Variants in SH3YL1 observed in about 807,000 individuals in gnomAD.
SH3YL1 encodes SH3 and SYLF domain containing 1, also known as SH3 domain-containing YSC84-like protein 1.
A neutral mutation model predicts 45.8 loss-of-function variants in SH3YL1; 41 were observed. The ratio of observed to expected loss-of-function variants is 0.89; its 90% CI spans 0.70 to 1.16. The LOEUF (loss-of-function observed/expected upper bound fraction) is 1.16, where lower values mean the gene tolerates loss of function less well. Ranked by LOEUF, SH3YL1 falls within the 50% of genes most tolerant of loss-of-function variation. The pLI, the probability that SH3YL1 is intolerant of heterozygous loss-of-function variation, is 0.00. For synonymous variants in SH3YL1, 152 were observed against 151.4 expected (o/e 1.00, Z -0.03); for missense variants, 389 against 409.6 (o/e 0.95, Z 0.43).
At chr2:252,050 G>C (rs1477968685) in intron 2 of SH3YL1, among the ~76,000 whole-genome samples, 2 of 152,138 alleles carry the variant, frequency 1.3e-5, no homozygotes, top group Non-Finnish European at 2.9e-5. Context: ...ACAGATAGTG[G>C]TTTTCAAAGG....
rs151122195 is a variant in SH3YL1, at chr2:219,082, C to A, written c.839-81G>T. 1,695 of 1,163,630 alleles carry A rather than the reference C, an allele frequency of 1.5e-3. 16 individuals carry two copies. The African/African-American group carries it at 0.022, about 15-fold the overall frequency. 72.1% of individuals were successfully genotyped at this position (1,163,630 alleles called of 1,614,324 possible). A position where few individuals can be genotyped will look rare whatever the true frequency, so the allele number is the denominator to read the frequency against. ...ATCTGCTGGTAAGATAAAAATTAAC[C>A]ACTTAGGGCTTGGCATGCTGATGTC... On this transcript the variant is annotated intron_variant, in intron 9 of 9. Coordinates refer to ENST00000356150, the MANE Select transcript of SH3YL1 (RefSeq NM_015677.4).
chr2:253,679 TG>T (rs1669181005), intron 1 of SH3YL1, among the ~76,000 whole-genome samples: 1 of 152,238 alleles, frequency 6.6e-6, no homozygotes, highest in East Asian at 1.9e-4. Flanking sequence ...GAGCAGCCCA[TG>T]CCACTACTCC....
chr2:232,931 T>A, intron 6 of SH3YL1, 170 bp downstream of exon 6: 1 of 459,752 alleles, frequency 2.2e-6, no homozygotes, highest in South Asian at 1.0e-4. Context: ...GTCTTCTGCA[T>A]TTTCTACGAG....
At chr2:260,615 TGGAGA>T (rs1368596040) in intron 1 of SH3YL1, 1 of 152,186 alleles carries the variant, frequency 6.6e-6, no homozygotes, top group East Asian at 1.9e-4. Context: ...TGGCAGAAGG[TGGAGA>T]GAGCACCTGG....
At chr2:229,831 G>A in intron 8 of SH3YL1, 135 bp downstream of exon 8, 1 of 604,782 alleles carries the variant, frequency 1.7e-6, no homozygotes, top group Non-Finnish European at 2.9e-6. Context: ...AAGAGGCTGA[G>A]CACTTATTTT....
At chr2:229,534 C>T (rs1489358723) in intron 8 of SH3YL1, among the ~76,000 whole-genome samples, 1 of 151,708 alleles carries the variant, frequency 6.6e-6, no homozygotes, top group African/African-American at 2.4e-5. Flanking sequence ...TCGAGACCAT[C>T]CCGGCTAAAA....
chr2:238,404 C>T (rs1038065007), intron 4 of SH3YL1, among the ~76,000 whole-genome samples: 1 of 151,956 alleles, frequency 6.6e-6, no homozygotes. Flanking sequence ...TCCTTACATC[C>T]CATTCTTAGG....
At chr2:250,283 T>G (rs992006832) in intron 2 of SH3YL1, among the ~76,000 whole-genome samples, 3 of 152,174 alleles carry the variant, frequency 2.0e-5, no homozygotes, top group Non-Finnish European at 4.4e-5. Context: ...AATTAGAACT[T>G]TGATCTTAAA....
At chr2:261,639 C>A (rs1669595190) in intron 1 of SH3YL1, among the ~76,000 whole-genome samples, 1 of 152,138 alleles carries the variant, frequency 6.6e-6, no homozygotes, top group African/African-American at 2.4e-5. Context: ...GTTCTATAAA[C>A]TCAATGCTAG....
chr2:218,728 T>C lies in SH3YL1; in HGVS notation c.*83A>G. Reference sequence around the variant, plus strand: ...TAGAACAGAAGTTTTTTAAAATTTATATTAAACATTGCTTAACTAGTAAAT... The same window carrying C: ...TAGAACAGAAGTTTTTTAAAATTTACATTAAACATTGCTTAACTAGTAAAT... On this transcript the variant is annotated 3_prime_UTR_variant, in exon 10 of 10. Coordinates refer to ENST00000356150, the MANE Select transcript of SH3YL1 (RefSeq NM_015677.4). 3.4e-6 allele frequency: 4 copies of C among 1,190,138 alleles called. No individual in the cohort carries two copies. The highest frequency in any genetic ancestry group is 4.6e-6 in the Non-Finnish European group (4 of 870,442). The allele number at this position is 1,190,138 out of a possible 1,614,324, so 73.7% of individuals were successfully genotyped here. A position where few individuals can be genotyped will look rare whatever the true frequency, so the allele number is the denominator to read the frequency against.
intron 4 of SH3YL1, among the ~76,000 whole-genome samples, chr2:243,310 C>T (rs1300642350): frequency 6.6e-6 from 1 of 152,048 alleles, no homozygotes; most frequent in African/African-American, 2.4e-5. Flanking sequence ...TTTAAAAGGA[C>T]TGAAATTATA....
rs190099247 is a variant in SH3YL1 at position 242,879 on chromosome 2, T to C, written c.291+4659A>G. 5,687 of 1,472,482 alleles carry C rather than the reference T, an allele frequency of 3.9e-3. 14 individuals carry two copies. Among genetic ancestry groups the C allele is most frequent in the Non-Finnish European group, 4.7e-3 (5,269 of 1,111,280 alleles). 91.2% of individuals were successfully genotyped at this position (1,472,482 alleles called of 1,614,324 possible). A position where few individuals can be genotyped will look rare whatever the true frequency, so the allele number is the denominator to read the frequency against. Reference sequence around the variant, plus strand: ...GAAAGCTGGAGTGGCACTCTTTATATCAAACAACAAAAAATGTAATTAGGA... The same window carrying C: ...GAAAGCTGGAGTGGCACTCTTTATACCAAACAACAAAAAATGTAATTAGGA... On this transcript the variant is annotated intron_variant, in intron 4 of 9. Transcript: ENST00000356150.
chr2:228,942 T>C (rs1271413636), intron 8 of SH3YL1, among the ~76,000 whole-genome samples: 2 of 152,212 alleles, frequency 1.3e-5, no homozygotes, highest in Non-Finnish European at 2.9e-5. Flanking sequence ...GCAAAACTTA[T>C]ATGCCTTCTC....
intron 4 of SH3YL1, chr2:243,453 G>A (rs1668634428): frequency 6.8e-7 from 1 of 1,463,886 alleles, no homozygotes; most frequent in African/African-American, 1.4e-5. Flanking sequence ...GAAATCACAT[G>A]AGAAATTAGA....
intron 4 of SH3YL1, among the ~76,000 whole-genome samples, chr2:237,004 G>T (rs1197591044): frequency 6.6e-6 from 1 of 152,072 alleles, no homozygotes; most frequent in Non-Finnish European, 1.5e-5. Flanking sequence ...AATTTCTGAG[G>T]GTTATGGTGC....
chr2:219,643 A>G (rs1275376447), intron 9 of SH3YL1, among the ~76,000 whole-genome samples: 3 of 152,202 alleles, frequency 2.0e-5, no homozygotes, highest in Non-Finnish European at 4.4e-5. Context: ...AGGGGCCAAG[A>G]TAGTGTGACA....
intron 1 of SH3YL1, chr2:261,405 A>C (rs1669585839): frequency 6.6e-6 from 1 of 152,226 alleles, no homozygotes; most frequent in African/African-American, 2.4e-5. Flanking sequence ...ATAAATATTT[A>C]AGTTTTTTCT....
rs750626975 is a variant in SH3YL1 at position 262,419 on chromosome 2, C to T, written c.1+1565G>A. ...GAGGACAGCGAAAGCTTTCTCTGCT[C>T]CCTCGGGAGACAGGAAAGCCCTTTA... On this transcript the variant is annotated intron_variant, in intron 1 of 9. Coordinates refer to ENST00000356150, the MANE Select transcript of SH3YL1 (RefSeq NM_015677.4). The T allele has an allele frequency of 2.0e-4, 74 of 364,414 alleles. 1 individual carries two copies. The highest frequency in any genetic ancestry group is 3.5e-4 in the Non-Finnish European group (72 of 205,462). The allele number at this position is 364,414 out of a possible 1,614,324, so 22.6% of individuals were successfully genotyped here.
chr2:248,349 T>C (rs141238618), intron 3 of SH3YL1, among the ~76,000 whole-genome samples: 5 of 152,260 alleles, frequency 3.3e-5, no homozygotes, highest in African/African-American at 1.2e-4. Context: ...TACTAGAATA[T>C]TGCTGAAATA....
Sources: allele counts gnomAD v4.1 joint callset (sites outside exome capture counted in the v4.1 genomes callset), GRCh38; gene constraint gnomAD v4.1.1; transcripts MANE v1.5; gene names NCBI Gene and HGNC (gene_info 2026-07-23, HGNC 2026-07-21).